Variants in RBFOX1 observed in about 807,000 individuals in gnomAD.
RBFOX1 encodes RNA binding fox-1 homolog 1, also known as RNA binding protein fox-1 homolog 1.
A neutral mutation model predicts 57.7 loss-of-function variants in RBFOX1; 8 were observed. The observed-to-expected ratio is 0.14, with a 90% CI of 0.08 to 0.25. RBFOX1 has a LOEUF of 0.25. Ranked by LOEUF, RBFOX1 falls within the 10% of genes least tolerant of loss-of-function variation. The pLI, the probability that RBFOX1 is intolerant of heterozygous loss-of-function variation, is 1.00. For missense variants in RBFOX1, 611 were observed against 548.5 expected (o/e 1.11, Z -1.14); for synonymous variants, 326 against 222.4 (o/e 1.47, Z -4.15).
chr16:6,351,363 TATATATA>T (rs1452459558), intron 2 of RBFOX1, among the ~76,000 whole-genome samples: 14 of 98,614 alleles, frequency 1.4e-4, no homozygotes, highest in African/African-American at 6.6e-4. Flanking sequence ...TATATATATA[TATATATA>T]TATTTTTTTT....
In RBFOX1 at chr16:5,947,875, A is replaced by T. The variant is rs570190588; in HGVS notation, c.351+80540A>T. 2.6e-4 allele frequency among the ~76,000 whole-genome samples: 40 copies of T among 152,340 alleles called. No homozygotes were observed. The highest frequency in any genetic ancestry group is 9.1e-4 in the African/African-American group (38 of 41,588). Reference sequence around the variant, plus strand: ...TGTTGTAATTACCGGGCCACCCGTAACGGGAGTTTATGTAATTATTAGTTT... The same window carrying T: ...TGTTGTAATTACCGGGCCACCCGTATCGGGAGTTTATGTAATTATTAGTTT... On this transcript the variant is annotated intron_variant, in intron 4 of 19. Coordinates refer to the RBFOX1 transcript ENST00000641259. The surrounding 1 kb of genome is among the most constrained non-coding windows in gnomAD (Gnocchi z 7.2).
At chr16:6,916,788 G>C (rs1176996342) in intron 3 of RBFOX1, among the ~76,000 whole-genome samples, 1 of 151,998 alleles carries the variant, frequency 6.6e-6, no homozygotes, top group African/African-American at 2.4e-5. Flanking sequence ...ATCTTTGAAG[G>C]CTGAGTTCAA....
At chr16:6,231,783 G>A (rs930046341) in intron 1 of RBFOX1, among the ~76,000 whole-genome samples, 1 of 142,566 alleles carries the variant, frequency 7.0e-6, no homozygotes, top group Non-Finnish European at 1.5e-5. Flanking sequence ...CCAGCACAAT[G>A]TTTTCTATGG....
chr16:5,311,066 C>T (rs975980702), intron 1 of RBFOX1, among the ~76,000 whole-genome samples: 3 of 152,120 alleles, frequency 2.0e-5, no homozygotes, highest in Non-Finnish European at 4.4e-5. Context: ...AGCTTAGATT[C>T]CACTTGTAAG....
intron 3 of RBFOX1, among the ~76,000 whole-genome samples, chr16:6,744,958 G>A (rs560578152): frequency 4.6e-5 from 7 of 151,964 alleles, no homozygotes; most frequent in Admixed American, 1.3e-4. Flanking sequence ...GTAAAGTTAA[G>A]GAGAAGATAC....
chr16:6,461,261 A>G (rs2094912507), intron 2 of RBFOX1, among the ~76,000 whole-genome samples: 1 of 152,140 alleles, frequency 6.6e-6, no homozygotes. Flanking sequence ...GAACTTAAAA[A>G]AATTAATTAA....
chr16:7,681,742 G>A (rs1161797038), intron 14 of RBFOX1, among the ~76,000 whole-genome samples: 1 of 151,968 alleles, frequency 6.6e-6, no homozygotes, highest in African/African-American at 2.4e-5. Context: ...CATGGGATAG[G>A]ATATAGTTTA....
chr16:7,118,499 G>C (rs182634309), intron 4 of RBFOX1, among the ~76,000 whole-genome samples: 6 of 152,210 alleles, frequency 3.9e-5, no homozygotes, highest in African/African-American at 7.2e-5. Context: ...CAGTTGACAG[G>C]TACACTCAAA....
At chr16:6,514,664 C>G (rs778433706) in intron 2 of RBFOX1, among the ~76,000 whole-genome samples, 1 of 152,046 alleles carries the variant, frequency 6.6e-6, no homozygotes, top group South Asian at 2.1e-4. Context: ...CTAACATGAC[C>G]ACAAAAATGG....
At chr16:6,642,374 T>C (rs1273909935) in intron 2 of RBFOX1, among the ~76,000 whole-genome samples, 2 of 152,198 alleles carry the variant, frequency 1.3e-5, no homozygotes, top group Admixed American at 1.3e-4. Context: ...CCCGCTGTGA[T>C]GCCAATGCAT....
intron 1 of RBFOX1, among the ~76,000 whole-genome samples, chr16:5,259,598 C>G (rs1392572560): frequency 6.6e-6 from 1 of 151,616 alleles, no homozygotes; most frequent in South Asian, 2.1e-4. Flanking sequence ...TGGAGTGAGG[C>G]TCTAGGGAGG....
chr16:6,367,818 G>A (rs1376303980), intron 2 of RBFOX1, among the ~76,000 whole-genome samples: 2 of 151,486 alleles, frequency 1.3e-5, no homozygotes, highest in Non-Finnish European at 2.9e-5. Flanking sequence ...GAGTCAGAAA[G>A]ACTCTGTTCC....
chr16:7,339,263 T>C (rs1265148337), intron 4 of RBFOX1, among the ~76,000 whole-genome samples: 1 of 152,176 alleles, frequency 6.6e-6, no homozygotes, highest in Non-Finnish European at 1.5e-5. Context: ...AGCAATTATC[T>C]ATTGAGCACC....
intron 3 of RBFOX1, among the ~76,000 whole-genome samples, chr16:5,848,715 G>A (rs2056816145): frequency 1.3e-5 from 2 of 152,162 alleles, no homozygotes; most frequent in Admixed American, 6.5e-5. Context: ...GGGAGACTGA[G>A]GTGGGTGGAT....
chr16:5,975,915 AG>A (rs1356997258), intron 4 of RBFOX1, among the ~76,000 whole-genome samples: 1 of 152,174 alleles, frequency 6.6e-6, no homozygotes, highest in Non-Finnish European at 1.5e-5. Context: ...GAGCTGAGGC[AG>A]GTGGATCACT....
At chr16:6,685,570 G>A (rs1018004880) in intron 3 of RBFOX1, among the ~76,000 whole-genome samples, 8 of 151,642 alleles carry the variant, frequency 5.3e-5, no homozygotes, top group Admixed American at 1.3e-4. Context: ...TTACAGGCAT[G>A]AGCCACTGTG....
chr16:7,122,985 C>G (rs1010975158), intron 4 of RBFOX1, among the ~76,000 whole-genome samples: 7 of 151,802 alleles, frequency 4.6e-5, no homozygotes, highest in Admixed American at 4.6e-4. Context: ...CCTATGACAT[C>G]TGCAAGAAAG....
At chr16:7,094,777 G>GTGTGTGGGT (rs1567232668) in intron 4 of RBFOX1, among the ~76,000 whole-genome samples, 11 of 53,602 alleles carry the variant, frequency 2.1e-4, no homozygotes, top group Non-Finnish European at 3.8e-4. Flanking sequence ...TGTGTGTGTG[G>GTGTGTGGGT]GTGTGTGTGT....
chr16:5,887,736 G>A (rs189875280), intron 4 of RBFOX1, among the ~76,000 whole-genome samples: 2 of 152,120 alleles, frequency 1.3e-5, no homozygotes, highest in Non-Finnish European at 2.9e-5. Context: ...AAGTGAAAAT[G>A]TAGGGCCAGA....
Sources: allele counts gnomAD v4.1 joint callset (sites outside exome capture counted in the v4.1 genomes callset), GRCh38; gene constraint gnomAD v4.1.1; non-coding constraint Gnocchi (gnomAD v3.1); transcripts MANE v1.5; gene names NCBI Gene and HGNC (gene_info 2026-07-23, HGNC 2026-07-21).